Variants in ZNF423 observed in about 807,000 individuals in gnomAD.
ZNF423 encodes Ebf-associated zinc finger protein.
In ZNF423, 12 loss-of-function variants were observed where a neutral mutation model predicts 95.8. That is an observed-to-expected ratio of 0.13 (90% CI 0.08 to 0.20). ZNF423 has a LOEUF of 0.20. Among genes scored for constraint, ZNF423 ranks in the 10% least tolerant of loss-of-function variants. The probability of loss-of-function intolerance (pLI) is 1.00; values close to 1 mark genes in which losing one functional copy is unlikely to be tolerated. For missense variants in ZNF423, 1,316 were observed against 1,737.1 expected (o/e 0.76, Z 4.31); for synonymous variants, 749 against 711.9 (o/e 1.05, Z -0.83).
intron 7 of ZNF423, among the ~76,000 whole-genome samples, chr16:49,519,542 G>T (rs951065473): frequency 6.6e-6 from 1 of 152,098 alleles, no homozygotes; most frequent in Non-Finnish European, 1.5e-5. Context: ...TGAGACATCT[G>T]CCAAAAGATT....
At chr16:49,649,525 G>T (rs1973310062) in intron 3 of ZNF423, among the ~76,000 whole-genome samples, 1 of 152,012 alleles carries the variant, frequency 6.6e-6, no homozygotes, top group South Asian at 2.1e-4. Context: ...TTTCCAAAGG[G>T]TGTAGAGGTA....
rs1246016698 is a variant in ZNF423 at position 49,489,384 on chromosome 16, G to A, written c.*1891C>T. The A allele has an allele frequency of 6.6e-6, 1 of 152,240 alleles. No homozygotes were observed. Among genetic ancestry groups the A allele is most frequent in the Non-Finnish European group, 1.5e-5 (1 of 68,084 alleles). 9.4% of individuals were successfully genotyped at this position (152,240 alleles called of 1,614,324 possible). A position where few individuals can be genotyped will look rare whatever the true frequency, so the allele number is the denominator to read the frequency against. On this transcript the variant is annotated 3_prime_UTR_variant, in exon 8 of 8. Coordinates refer to ENST00000563137, the MANE Select transcript of ZNF423 (RefSeq NM_001379286.1). ...TGGGCACACTTAGAGGAACACTGGT[G>A]TCTACCCTGGGGTCTTCCCCCAAAA...
At chr16:49,788,271 G>C (rs2034351125) in intron 2 of ZNF423, among the ~76,000 whole-genome samples, 1 of 152,238 alleles carries the variant, frequency 6.6e-6, no homozygotes, top group African/African-American at 2.4e-5. Context: ...CTGCTGGAAA[G>C]GACACGGAAC....
chr16:49,674,822 T>G (rs1027525078), intron 3 of ZNF423, among the ~76,000 whole-genome samples: 1 of 152,134 alleles, frequency 6.6e-6, no homozygotes, highest in African/African-American at 2.4e-5. Context: ...GACTACAGTT[T>G]GTGAGCTCCC....
chr16:49,719,919 C>T (rs1298243441), intron 3 of ZNF423, among the ~76,000 whole-genome samples: 2 of 152,324 alleles, frequency 1.3e-5, no homozygotes, highest in Middle Eastern at 3.4e-3. Context: ...TCAGAGTTGC[C>T]TCTCAACACC....
upstream of ZNF423, among the ~76,000 whole-genome samples, chr16:49,856,556 A>G (rs1488488113): frequency 1.3e-5 from 2 of 151,346 alleles, no homozygotes; most frequent in East Asian, 3.9e-4. Context: ...GGGTCCCTCA[A>G]CTCAGCCTAC....
At chr16:49,529,771 T>C (rs1968770159) in intron 5 of ZNF423, among the ~76,000 whole-genome samples, 1 of 152,126 alleles carries the variant, frequency 6.6e-6, no homozygotes, top group Non-Finnish European at 1.5e-5. Context: ...GGCCATAATT[T>C]GCTGCCTGGG....
At chr16:49,623,956 A>C (rs1972170275) in intron 5 of ZNF423, among the ~76,000 whole-genome samples, 1 of 152,176 alleles carries the variant, frequency 6.6e-6, no homozygotes, top group Non-Finnish European at 1.5e-5. Context: ...AACCTTAAAC[A>C]AAACCTTGAT....
At chr16:49,661,902 G>A (rs1251746882) in intron 3 of ZNF423, among the ~76,000 whole-genome samples, 3 of 152,208 alleles carry the variant, frequency 2.0e-5, no homozygotes, top group Non-Finnish European at 4.4e-5. Context: ...GGGAAAACAG[G>A]CAGAATCCCT....
chr16:49,807,888 C>T (rs1467697710), intron 1 of ZNF423, among the ~76,000 whole-genome samples: 5 of 152,198 alleles, frequency 3.3e-5, no homozygotes, highest in African/African-American at 4.8e-5. Flanking sequence ...CTGGCAGGGA[C>T]CTCCCCAGAC....
intron 3 of ZNF423, among the ~76,000 whole-genome samples, chr16:49,672,933 T>C (rs1333081093): frequency 6.6e-5 from 10 of 152,190 alleles, no homozygotes; most frequent in African/African-American, 9.7e-5. Flanking sequence ...CGCGGTGTGA[T>C]CTATGGGCCA....
At chr16:49,641,259 C>G (rs890925646) in intron 3 of ZNF423, among the ~76,000 whole-genome samples, 1 of 152,182 alleles carries the variant, frequency 6.6e-6, no homozygotes, top group Admixed American at 6.5e-5. Flanking sequence ...GCCCCTTGAT[C>G]GTGATGTGGG....
In ZNF423 at chr16:49,821,384, A is replaced by G. The variant is rs7192857; in HGVS notation, c.41-31838T>C. 3.7e-3 allele frequency among the ~76,000 whole-genome samples: 564 copies of G among 152,246 alleles called. 3 individuals are homozygous for G. Among genetic ancestry groups the G allele is most frequent in the African/African-American group, 0.013 (537 of 41,542 alleles). On this transcript the variant is annotated intron_variant, in intron 1 of 7. Transcript: ENST00000563137. Reference sequence around the variant, plus strand: ...ATGCAATTATTTAAATCCAGAAAGAAAAATGTTTGCTCCCAAATTTGGCAG... The same window carrying G: ...ATGCAATTATTTAAATCCAGAAAGAGAAATGTTTGCTCCCAAATTTGGCAG...
rs71380366 is a variant in ZNF423, at chr16:49,646,574, C to CTTTTTTTTTTTT, written c.302-7712_302-7701dup. On this transcript the variant is annotated intron_variant, in intron 3 of 7. Coordinates refer to ENST00000563137, the MANE Select transcript of ZNF423 (RefSeq NM_001379286.1). The stretch of plus-strand genomic sequence containing the variant: ...TTATGGCACATTTTCTTTTCTTTTT[C>CTTTTTTTTTTTT]TTTTTTTTTTTTTTGAGAAGGAGTC... 3.6e-4 allele frequency among the ~76,000 whole-genome samples: 42 copies of CTTTTTTTTTTTT among 117,972 alleles called. 1 individual carries two copies. The highest frequency in any genetic ancestry group is 1.2e-3 in the East Asian group (5 of 4,146). 77.4% of individuals were successfully genotyped at this position (117,972 alleles called of 152,430 possible). A position where few individuals can be genotyped will look rare whatever the true frequency, so the allele number is the denominator to read the frequency against.
In ZNF423 at chr16:49,620,918, T is replaced by C. The variant is rs144853375; in HGVS notation, c.3601+5252A>G. On this transcript the variant is annotated intron_variant, in intron 5 of 7. Transcript: ENST00000563137. ...CCAGGAGGGCAGTGTACATACATTA[T>C]ACATATATGTTCAACACATGTGGGC... Among the ~76,000 whole-genome samples the C allele has an allele frequency of 1.0e-3, 157 of 152,268 alleles. 1 individual carries two copies. Among genetic ancestry groups the C allele is most frequent in the African/African-American group, 3.6e-3 (151 of 41,570 alleles).
At chr16:49,535,137 T>A (rs951347620) in intron 5 of ZNF423, among the ~76,000 whole-genome samples, 3 of 152,042 alleles carry the variant, frequency 2.0e-5, no homozygotes, top group Non-Finnish European at 4.4e-5. Flanking sequence ...TGCAGAAATC[T>A]CCCTAACCTG....
chr16:49,660,996 G>T (rs888123938), intron 3 of ZNF423, among the ~76,000 whole-genome samples: 12 of 152,196 alleles, frequency 7.9e-5, no homozygotes, highest in African/African-American at 2.2e-4. Context: ...CAAGGAGGGT[G>T]GATCACCTGA....
intron 3 of ZNF423, among the ~76,000 whole-genome samples, chr16:49,670,336 G>C (rs1382850066): frequency 6.6e-6 from 1 of 152,222 alleles, no homozygotes; most frequent in East Asian, 1.9e-4. Flanking sequence ...CCCACAGATG[G>C]AAGCCAGAAA....
intron 5 of ZNF423, among the ~76,000 whole-genome samples, chr16:49,592,770 G>A (rs1001887057): frequency 1.2e-4 from 19 of 152,174 alleles, no homozygotes; most frequent in South Asian, 6.2e-4. Flanking sequence ...TGCCAGAACC[G>A]GCGGACCTGA....
Sources: gnomAD v4.1 joint callset for allele counts (sites outside exome capture counted in the v4.1 genomes callset) on GRCh38, gnomAD v4.1.1 for gene constraint, MANE v1.5 for transcripts, NCBI Gene and HGNC (gene_info 2026-07-23, HGNC 2026-07-21) for gene names.